TMPRSS9: variants seen among roughly 807,000 people sequenced by gnomAD.
The protein encoded by TMPRSS9 is transmembrane serine protease 9.
In TMPRSS9, 113 loss-of-function variants were observed where a neutral mutation model predicts 111.4. The ratio of observed to expected loss-of-function variants is 1.01; its 90% CI spans 0.87 to 1.19. The LOEUF is 1.19. Among genes scored for constraint, TMPRSS9 ranks in the 50% most tolerant of loss-of-function variants. The pLI is 0.00. For missense variants in TMPRSS9, 1,803 were observed against 1,513.1 expected (o/e 1.19, Z -3.18); for synonymous variants, 805 against 659.1 (o/e 1.22, Z -3.39).
chr19:2,406,506 TG>T (rs1235373508), intron 7 of TMPRSS9, among the ~76,000 whole-genome samples: 56 of 143,596 alleles, frequency 3.9e-4, no homozygotes, highest in Non-Finnish European at 6.5e-4. Context: ...TTTTTTTTTT[TG>T]TATAATTAGT....
At chr19:2,379,862 C>T (rs1441065549) in intron 1 of TMPRSS9, among the ~76,000 whole-genome samples, 1 of 151,486 alleles carries the variant, frequency 6.6e-6, no homozygotes, top group Non-Finnish European at 1.5e-5. Context: ...GCTCACTGAT[C>T]CTCAGCCTCA....
At chr19:2,423,295 C>T (rs1056238458) in intron 14 of TMPRSS9, among the ~76,000 whole-genome samples, 4 of 151,824 alleles carry the variant, frequency 2.6e-5, no homozygotes, top group Admixed American at 6.6e-5. Context: ...CAGGCGGGTT[C>T]TGTGTGGAGG....
At chr19:2,377,457 C>T (rs937378660) in intron 1 of TMPRSS9, among the ~76,000 whole-genome samples, 1 of 90,574 alleles carries the variant, frequency 1.1e-5, no homozygotes, top group African/African-American at 6.0e-5. Context: ...CTTCTCCCCT[C>T]CCCTCTCCCC....
At chr19:2,392,389 A>C (rs1291870734) in intron 1 of TMPRSS9, among the ~76,000 whole-genome samples, 2 of 151,476 alleles carry the variant, frequency 1.3e-5, no homozygotes, top group Admixed American at 1.3e-4. Flanking sequence ...TGACACCCTG[A>C]TAAAAAATAA....
At chr19:2,361,601 G>T (rs565544941) in intron 1 of TMPRSS9, among the ~76,000 whole-genome samples, 1 of 152,160 alleles carries the variant, frequency 6.6e-6, no homozygotes, top group African/African-American at 2.4e-5. Flanking sequence ...GCTGGGGACC[G>T]TGGCGTTATC....
At position 2,398,788 on chromosome 19, in the gene TMPRSS9, A is replaced by G. The variant is rs1416235799; in HGVS notation, c.271-7A>G. 16 of 1,435,182 alleles carry G rather than the reference A, an allele frequency of 1.1e-5. No individual in the cohort carries two copies. Among genetic ancestry groups the G allele is most frequent in the Non-Finnish European group, 1.4e-5 (15 of 1,083,638 alleles). 88.9% of individuals were successfully genotyped at this position (1,435,182 alleles called of 1,614,324 possible). ...CTCAACATTTGATATTCTTGTTTCTATTGCAGTTTGTAAGTAGTTTTCAGA... is the reference window on the plus strand; with the variant it reads ...CTCAACATTTGATATTCTTGTTTCTGTTGCAGTTTGTAAGTAGTTTTCAGA... On this transcript the variant is annotated splice_region_variant and splice_polypyrimidine_tract_variant and intron_variant, in intron 2 of 17. Coordinates refer to ENST00000648592, the Ensembl canonical transcript of TMPRSS9.
chr19:2,384,446 C>T (rs367592027), intron 1 of TMPRSS9, among the ~76,000 whole-genome samples: 1 of 151,944 alleles, frequency 6.6e-6, no homozygotes, highest in Non-Finnish European at 1.5e-5. Flanking sequence ...GAGGCCGAGG[C>T]GAGCAGATCA....
At chr19:2,360,935 G>A (rs919518566) in intron 1 of TMPRSS9, among the ~76,000 whole-genome samples, 35 of 151,200 alleles carry the variant, frequency 2.3e-4, no homozygotes, top group Non-Finnish European at 4.4e-4. Flanking sequence ...CAGCTGAGAT[G>A]TGTAGATACA....
chr19:2,362,619 A>T (rs1020568289), intron 1 of TMPRSS9, among the ~76,000 whole-genome samples: 15 of 151,968 alleles, frequency 9.9e-5, no homozygotes, highest in African/African-American at 3.4e-4. Context: ...AATATGTGTA[A>T]TCGTGTCTGT....
chr19:2,412,114 C>T (rs534624977), intron 9 of TMPRSS9, among the ~76,000 whole-genome samples: 1 of 152,208 alleles, frequency 6.6e-6, no homozygotes, highest in South Asian at 2.1e-4. Context: ...GAATGAAAAG[C>T]TGGGTGCAGT....
chr19:2,385,522 T>C (rs1282768429), upstream of TMPRSS9, among the ~76,000 whole-genome samples: 2 of 152,110 alleles, frequency 1.3e-5, no homozygotes, highest in African/African-American at 4.8e-5. Context: ...GCCTTAGTGA[T>C]GACTCATCAG....
exon 7 of TMPRSS9, chr19:2,405,462 C>G (rs1970948897): frequency 6.2e-7 from 1 of 1,608,508 alleles, no homozygotes; most frequent in Non-Finnish European, 8.5e-7. Context: ...GGCAAGCCAG[C>G]CTTCGAGAGA....
intron 1 of TMPRSS9, 143 bp downstream of exon 2, chr19:2,390,070 G>C (rs1970552585): frequency 9.7e-7 from 1 of 1,033,372 alleles, no homozygotes; most frequent in African/African-American, 1.6e-5. Flanking sequence ...CCTAGGCCAG[G>C]CGGGTGGGCG....
chr19:2,423,875 G>A (rs527828869), intron 14 of TMPRSS9, among the ~76,000 whole-genome samples: 86 of 152,288 alleles, frequency 5.6e-4, no homozygotes, highest in African/African-American at 2.0e-3. Context: ...GAAGTCATAG[G>A]AAACAAATGC....
chr19:2,362,210 TTGTG>T (rs1213953315), intron 1 of TMPRSS9, among the ~76,000 whole-genome samples: 3 of 151,898 alleles, frequency 2.0e-5, no homozygotes, highest in Non-Finnish European at 4.4e-5. Context: ...GGTTGTGTAA[TTGTG>T]TGGTCGGGTG....
chr19:2,411,300 A>C (rs1278758741), intron 9 of TMPRSS9, among the ~76,000 whole-genome samples: 5 of 16,820 alleles, frequency 3.0e-4, no homozygotes, highest in African/African-American at 2.3e-3. Context: ...ACTCTGTCTC[A>C]AAAAAAAAAA....
intron 1 of TMPRSS9, among the ~76,000 whole-genome samples, chr19:2,395,185 A>G (rs1033595149): frequency 6.6e-6 from 1 of 152,206 alleles, no homozygotes; most frequent in Admixed American, 6.6e-5. Context: ...CGGGAGGCCA[A>G]GGCGGGTGGA....
chr19:2,374,782 C>T (rs1161675233), intron 1 of TMPRSS9, among the ~76,000 whole-genome samples: 1 of 152,018 alleles, frequency 6.6e-6, no homozygotes. Context: ...AGGTGGGCGC[C>T]GAGTGCATAC....
exon 7 of TMPRSS9, chr19:2,405,517 C>T (rs1970950325): frequency 1.3e-6 from 2 of 1,595,138 alleles, no homozygotes; most frequent in Non-Finnish European, 8.5e-7. Flanking sequence ...CGCCAGGTGG[C>T]TGGTGTCTGC....
Sources: allele counts gnomAD v4.1 joint callset (sites outside exome capture counted in the v4.1 genomes callset), GRCh38; gene constraint gnomAD v4.1.1; transcripts MANE v1.5; gene names NCBI Gene and HGNC (gene_info 2026-07-23, HGNC 2026-07-21).